Variants in SPANXN1 observed in about 807,000 individuals in gnomAD.
The protein encoded by SPANXN1 is SPANX family member N1, also known as sperm protein associated with the nucleus on the X chromosome N1.
A neutral mutation model predicts 2.0 loss-of-function variants in SPANXN1; 1 was observed. That is an observed-to-expected ratio of 0.50 (90% confidence interval 0.18 to 2.36). The LOEUF (loss-of-function observed/expected upper bound fraction) is 2.36. Among genes scored for constraint, SPANXN1 ranks in the 30% most tolerant of loss-of-function variants. The pLI is 0.26. For synonymous variants in SPANXN1, 27 were observed against 21.3 expected, an observed-to-expected ratio of 1.27 and a Z score of -0.74; for missense variants, 55 against 51.8, an observed-to-expected ratio of 1.06 and a Z score of -0.19.
In SPANXN1 at chrX:145,247,546, T is replaced by C; in HGVS notation, c.-41T>C. The C allele has an allele frequency of 3.4e-6, 4 of 1,170,548 alleles. No individual in the cohort carries two copies. Among genetic ancestry groups the C allele is most frequent in the East Asian group, 6.0e-5 (2 of 33,567 alleles). On this transcript the variant is annotated 5_prime_UTR_variant, in exon 1 of 2. Coordinates refer to ENST00000370493, the MANE Select transcript of SPANXN1 (RefSeq NM_001009614.3). ...AATACAGCTGTGCAAGTCTGGAGTC[T>C]ACAAGAGCCTACTATAGACATTCTA... is the stretch of plus-strand genomic sequence containing the variant.
intron 1 of SPANXN1, among the ~76,000 whole-genome samples, chrX:145,251,593 C>G (rs1470906653): frequency 8.9e-6 from 1 of 111,793 alleles, no homozygotes; most frequent in Non-Finnish European, 1.9e-5. Flanking sequence ...AGGCCTTGGT[C>G]GGAATGTACA....
chrX:145,256,020 A>T lies in SPANXN1; in HGVS notation c.*206A>T. ...GGCTTACCTGAAGGATCTTCAAAGC[A>T]GGATGAAGACCTAGACTTACCTGAA... On this transcript the variant is annotated 3_prime_UTR_variant, in exon 2 of 2. Transcript: ENST00000370493. The T allele has an allele frequency of 1.4e-6, 1 of 734,287 alleles. No individual in the cohort carries two copies. The highest frequency in any genetic ancestry group is 2.1e-6 in the Non-Finnish European group (1 of 474,053). The allele number at this position is 734,287 out of a possible 1,213,427, so 60.5% of individuals were successfully genotyped here.
At chrX:145,247,885 T>C (rs1385862665) in intron 1 of SPANXN1, among the ~76,000 whole-genome samples, 83 of 110,384 alleles carry the variant, frequency 7.5e-4, no homozygotes, top group African/African-American at 2.7e-3. Flanking sequence ...ATAAGATGTT[T>C]TTATGATCAG....
chrX:145,255,614 C>T, intron 1 of SPANXN1, 57 bp from the exon 2 acceptor site: 1 of 1,206,114 alleles, frequency 8.3e-7, no homozygotes, highest in African/African-American at 1.8e-5. Flanking sequence ...GCTATCCAGT[C>T]TCTATCCTAT....
intron 1 of SPANXN1, among the ~76,000 whole-genome samples, chrX:145,248,218 A>G (rs1314795813): frequency 9.0e-6 from 1 of 111,568 alleles, no homozygotes; most frequent in African/African-American, 3.3e-5. Context: ...GTTTTGAAGC[A>G]GTGGGTGTTG....
chrX:145,251,551 C>T (rs782690934), intron 1 of SPANXN1, among the ~76,000 whole-genome samples: 60 of 111,493 alleles, frequency 5.4e-4, no homozygotes, highest in African/African-American at 1.7e-3. Flanking sequence ...TCTGGGGCGT[C>T]GCCGTATGTT....
intron 1 of SPANXN1, among the ~76,000 whole-genome samples, chrX:145,252,725 G>A (rs1442759277): frequency 2.7e-5 from 3 of 110,112 alleles, no homozygotes; most frequent in Admixed American, 9.7e-5. Context: ...TAAAATAAAA[G>A]GGGTAGAATT....
intron 1 of SPANXN1, among the ~76,000 whole-genome samples, chrX:145,248,946 C>G (rs781951449): frequency 5.2e-4 from 58 of 111,067 alleles, no homozygotes; most frequent in Non-Finnish European, 5.7e-4. Context: ...AGAGGGGAGG[C>G]GTTGGTAAGA....
At chrX:145,250,580 G>T (rs1318917802) in intron 1 of SPANXN1, among the ~76,000 whole-genome samples, 3 of 111,909 alleles carry the variant, frequency 2.7e-5, no homozygotes, top group Non-Finnish European at 3.8e-5. Flanking sequence ...AGTTCAGAAG[G>T]TTTTTTAAAC....
chrX:145,249,603 G>A (rs1321029331), intron 1 of SPANXN1, among the ~76,000 whole-genome samples: 4 of 111,041 alleles, frequency 3.6e-5, no homozygotes, highest in African/African-American at 1.3e-4. Flanking sequence ...GAATAATTTG[G>A]GGGTGAACAA....
chrX:145,247,723 G>A (rs1569479599), intron 1 of SPANXN1, 62 bp downstream of exon 1: 53 of 1,095,105 alleles, frequency 4.8e-5, no homozygotes, highest in Admixed American at 1.5e-4. Flanking sequence ...GAGAAGGGAC[G>A]GCTCAAACAG....
Position 145,255,404 on chromosome X carries a change from A to G in SPANXN1, c.76-267A>G, listed in dbSNP as rs147697634. 9.3e-3 allele frequency among the ~76,000 whole-genome samples: 1,034 copies of G among 111,076 alleles called. 13 individuals carry two copies. The highest frequency in any genetic ancestry group is 0.032 in the African/African-American group (972 of 30,434). The stretch of plus-strand genomic sequence containing the variant: ...AGGCAGGATGTTTCTCACGGCCTGA[A>G]CCCCCATGGGATGTTTCACTTTGAC... On this transcript the variant is annotated intron_variant, in intron 1 of 1. Coordinates refer to ENST00000370493, the MANE Select transcript of SPANXN1 (RefSeq NM_001009614.3).
intron 1 of SPANXN1, 55 bp from the exon 2 acceptor site, chrX:145,255,616 C>T: frequency 1.7e-6 from 2 of 1,207,343 alleles, no homozygotes; most frequent in Non-Finnish European, 2.2e-6. Flanking sequence ...TATCCAGTCT[C>T]TATCCTATTC....
intron 1 of SPANXN1, among the ~76,000 whole-genome samples, chrX:145,251,033 T>A (rs1470584083): frequency 8.9e-6 from 1 of 112,287 alleles, no homozygotes; most frequent in Non-Finnish European, 1.9e-5. Context: ...GCTTTGCCTG[T>A]TGAGAGGCAG....
intron 1 of SPANXN1, among the ~76,000 whole-genome samples, chrX:145,248,674 CT>C (rs782126598): frequency 8.9e-6 from 1 of 112,133 alleles, no homozygotes; most frequent in South Asian, 3.7e-4. Context: ...TCCACAAACA[CT>C]TTGTTTTAAC....
chrX:145,252,851 G>T (rs2070791671), intron 1 of SPANXN1, among the ~76,000 whole-genome samples: 1 of 110,462 alleles, frequency 9.1e-6, no homozygotes, highest in Admixed American at 9.6e-5. Flanking sequence ...TGTTGAATAG[G>T]TTGCATAATA....
intron 1 of SPANXN1, among the ~76,000 whole-genome samples, chrX:145,248,722 G>T (rs1334749641): frequency 3.6e-5 from 4 of 112,105 alleles, no homozygotes; most frequent in Non-Finnish European, 7.5e-5. Flanking sequence ...TGCCAGCAAG[G>T]GTAGCCCCAC....
rs145939425 is a variant in SPANXN1 at position 145,255,592 on chromosome X, A to G, written c.76-79A>G. The G allele has an allele frequency of 7.6e-3, 8,902 of 1,178,763 alleles. 292 individuals are homozygous for G. In the East Asian group the frequency reaches 0.13, roughly 17 times the overall value. On this transcript the variant is annotated intron_variant, in intron 1 of 1. Coordinates refer to ENST00000370493, the MANE Select transcript of SPANXN1 (RefSeq NM_001009614.3). ...TTCCTCCACCTGCATTCCTTCTCAT[A>G]AAGCCCCCCTTGCTATCCAGTCTCT...
In SPANXN1 at chrX:145,255,982, G is replaced by T; in HGVS notation, c.*168G>T. ...ACTTACCTGAAGGATCTTCAAAGCA[G>T]AATGAAGACCTAGGCTTACCTGAAG... On this transcript the variant is annotated 3_prime_UTR_variant, in exon 2 of 2. Transcript: ENST00000370493. 2 of 971,801 alleles carry T rather than the reference G, an allele frequency of 2.1e-6. No individual in the cohort carries two copies. Among genetic ancestry groups the T allele is most frequent in the Non-Finnish European group, 2.9e-6 (2 of 684,099 alleles). 80.1% of individuals were successfully genotyped at this position (971,801 alleles called of 1,213,427 possible).
Sources: allele counts gnomAD v4.1 joint callset (sites outside exome capture counted in the v4.1 genomes callset), GRCh38; gene constraint gnomAD v4.1.1; transcripts MANE v1.5; gene names NCBI Gene and HGNC (gene_info 2026-07-23, HGNC 2026-07-21).